The following RAP1GAP2 variants were observed in gnomAD, a reference collection of about 807,000 sequenced individuals.
RAP1GAP2 encodes the protein RAP1 GTPase activating protein 2, also known as rap1 GTPase-activating protein 2.
RAP1GAP2 carries 27 observed loss-of-function variants against 95.0 expected under a neutral mutation model. The ratio of observed to expected loss-of-function variants is 0.28; its 90% confidence interval spans 0.21 to 0.39. The LOEUF (loss-of-function observed/expected upper bound fraction) is 0.39. RAP1GAP2 is among the 10% of genes least tolerant of loss of function. RAP1GAP2 has a pLI of 1.00. For synonymous variants in RAP1GAP2, 373 were observed against 380.9 expected, an observed-to-expected ratio of 0.98 and a Z score of 0.24; for missense variants, 771 against 970.0, an observed-to-expected ratio of 0.79 and a Z score of 2.72.
chr17:2,969,294 C>T lies in RAP1GAP2; in HGVS notation c.596+3651C>T, dbSNP rs989110479. Reference sequence around the variant, plus strand: ...TACACAAATTGATTGCATAGTAGATCAGTGGTTTTCTGTGGACCTGCTACA... The same window carrying T: ...TACACAAATTGATTGCATAGTAGATTAGTGGTTTTCTGTGGACCTGCTACA... On this transcript the variant is annotated intron_variant, in intron 8 of 24. Coordinates refer to ENST00000254695, the MANE Select transcript of RAP1GAP2 (RefSeq NM_015085.5). Among the ~76,000 whole-genome samples, 3 of 151,556 alleles carry T rather than the reference C, an allele frequency of 2.0e-5. No homozygotes were observed. The East Asian group carries it at 5.8e-4, about 29-fold the overall frequency.
At chr17:3,020,138 G>T (rs2046906144) in intron 18 of RAP1GAP2, among the ~76,000 whole-genome samples, 1 of 152,078 alleles carries the variant, frequency 6.6e-6, no homozygotes, top group African/African-American at 2.4e-5. Flanking sequence ...GTCCCTCCAG[G>T]GCCTCCCTGG....
chr17:2,931,861 G>A (rs2043167167), intron 3 of RAP1GAP2, among the ~76,000 whole-genome samples: 1 of 152,156 alleles, frequency 6.6e-6, no homozygotes, highest in Admixed American at 6.5e-5. Flanking sequence ...GGCAGGTTAG[G>A]GGATGCTGGG....
At chr17:2,837,586 G>A (rs2071191034) in intron 2 of RAP1GAP2, among the ~76,000 whole-genome samples, 1 of 149,344 alleles carries the variant, frequency 6.7e-6, no homozygotes. Flanking sequence ...GACCATCTGT[G>A]TCAGGGTGTC....
intron 2 of RAP1GAP2, among the ~76,000 whole-genome samples, chr17:2,874,705 C>T (rs2073012348): frequency 2.0e-5 from 3 of 152,124 alleles, no homozygotes. Flanking sequence ...AAGGAGCAGC[C>T]ACCCAGCCAG....
In RAP1GAP2 at chr17:3,008,353, C is replaced by T. The variant is rs2046400489; in HGVS notation, c.1494+208C>T. Among the ~76,000 whole-genome samples, 1 of 152,182 alleles carries T rather than the reference C, an allele frequency of 6.6e-6. No individual in the cohort carries two copies. The highest frequency in any genetic ancestry group is 1.5e-5 in the Non-Finnish European group (1 of 68,034). ...AGCAGCCAGCAGTTTTCTCAGCAGC[C>T]TCCCCATCCTTCCTCTATCTGGGTC... On this transcript the variant is annotated intron_variant, in intron 17 of 24. Coordinates refer to ENST00000254695, the MANE Select transcript of RAP1GAP2 (RefSeq NM_015085.5). This position sits in a 1 kb window ranked among gnomAD's most constrained non-coding sequence, Gnocchi z 4.2.
chr17:2,941,189 G>A (rs1304459135), intron 3 of RAP1GAP2, among the ~76,000 whole-genome samples: 1 of 152,312 alleles, frequency 6.6e-6, no homozygotes, highest in East Asian at 1.9e-4. Flanking sequence ...ATCACTTGAG[G>A]TCAGGAGTCT....
At chr17:2,875,519 C>T (rs1249321330) in intron 2 of RAP1GAP2, among the ~76,000 whole-genome samples, 2 of 152,104 alleles carry the variant, frequency 1.3e-5, no homozygotes, top group Non-Finnish European at 2.9e-5. Context: ...TATGTGGCAT[C>T]AGTTAGTTTA....
intron 2 of RAP1GAP2, among the ~76,000 whole-genome samples, chr17:2,888,660 T>A (rs1034630002): frequency 6.7e-6 from 1 of 149,950 alleles, no homozygotes; most frequent in Non-Finnish European, 1.5e-5. Context: ...TTCTTTTTTT[T>A]TTTTTTTTTG....
intron 19 of RAP1GAP2, among the ~76,000 whole-genome samples, chr17:3,024,378 A>G (rs1270217302): frequency 6.6e-6 from 1 of 152,246 alleles, no homozygotes; most frequent in East Asian, 1.9e-4. Context: ...GCTTTAATCA[A>G]AAAGACAAAT....
At chr17:3,013,984 G>T (rs80205221) in intron 17 of RAP1GAP2, among the ~76,000 whole-genome samples, 3 of 27,274 alleles carry the variant, frequency 1.1e-4, no homozygotes, top group Non-Finnish European at 2.5e-4. Context: ...GAAAGAGACA[G>T]GGAGGAATAC....
At chr17:2,790,142 C>T (rs1435273004) in intron 1 of RAP1GAP2, among the ~76,000 whole-genome samples, 1 of 151,484 alleles carries the variant, frequency 6.6e-6, no homozygotes, top group Non-Finnish European at 1.5e-5. Context: ...GAGATGGAGT[C>T]TCCCTCTGTC....
intron 2 of RAP1GAP2, among the ~76,000 whole-genome samples, chr17:2,804,105 G>T (rs1325681908): frequency 6.6e-6 from 1 of 152,110 alleles, no homozygotes; most frequent in African/African-American, 2.4e-5. Flanking sequence ...GCTGGGTGAG[G>T]CATCTCTCCT....
At chr17:2,846,482 C>T (rs1382233737) in intron 2 of RAP1GAP2, among the ~76,000 whole-genome samples, 1 of 152,142 alleles carries the variant, frequency 6.6e-6, no homozygotes, top group African/African-American at 2.4e-5. Context: ...GCAATCTCGG[C>T]TCACTGCAAC....
chr17:2,915,730 G>A (rs906527386), intron 3 of RAP1GAP2, among the ~76,000 whole-genome samples: 14 of 142,166 alleles, frequency 9.8e-5, no homozygotes, highest in African/African-American at 3.4e-4. Context: ...ACAGAGTCTC[G>A]CTCTGTCACC....
At chr17:2,909,996 G>A (rs1422975294) in intron 3 of RAP1GAP2, among the ~76,000 whole-genome samples, 1 of 152,102 alleles carries the variant, frequency 6.6e-6, no homozygotes, top group Non-Finnish European at 1.5e-5. Flanking sequence ...TTTTCCCTTT[G>A]TGTGAAAGCT....
chr17:3,014,181 T>TCGGC (rs1567897244), intron 17 of RAP1GAP2, among the ~76,000 whole-genome samples: 5 of 25,836 alleles, frequency 1.9e-4, no homozygotes, highest in Admixed American at 8.5e-4. Context: ...AGGACACACG[T>TCGGC]TGGCTATAGG....
rs538554128 is a variant in RAP1GAP2 at position 2,985,190 on chromosome 17, C to T, written c.813+124C>T. 9 of 1,486,396 alleles carry T rather than the reference C, an allele frequency of 6.1e-6. No homozygotes were observed. In the African/African-American group the frequency reaches 1.3e-4, roughly 21 times the overall value. The allele number at this position is 1,486,396 out of a possible 1,614,324, so 92.1% of individuals were successfully genotyped here. ...TGAAGCATTTGGAATACAACGGTCA[C>T]ATTTAAGGTATGAATTAGACTGGAG... is the stretch of plus-strand genomic sequence containing the variant. On this transcript the variant is annotated intron_variant, in intron 11 of 24. Transcript: ENST00000254695.
chr17:2,796,443 C>A lies in RAP1GAP2; in HGVS notation c.-85C>A. 6.8e-7 allele frequency: 1 copy of A among 1,476,314 alleles called. No homozygotes were observed. The highest frequency in any genetic ancestry group is 1.2e-5 in the South Asian group (1 of 82,364). The allele number at this position is 1,476,314 out of a possible 1,614,324, so 91.5% of individuals were successfully genotyped here. On this transcript the variant is annotated 5_prime_UTR_variant, in exon 1 of 25. Transcript: ENST00000254695. The surrounding 1 kb of genome is among the most constrained non-coding windows in gnomAD (Gnocchi z 4.7). ...GCTCCCCGCCCTGCACCGGCACTGACCCCGCTGTACCACGGCCCTCTTGCG... is the reference window on the plus strand; with the variant it reads ...GCTCCCCGCCCTGCACCGGCACTGAACCCGCTGTACCACGGCCCTCTTGCG...
rs61423193 is a variant in RAP1GAP2 at position 3,029,867 on chromosome 17, T to C, written c.2108-1055T>C. ...AACCCAGTGTACAAATACTAGATAA[T>C]ATTCTTTACCATAAGTCCCATATGT... is the stretch of plus-strand genomic sequence containing the variant. On this transcript the variant is annotated intron_variant, in intron 22 of 24. Coordinates refer to ENST00000254695, the MANE Select transcript of RAP1GAP2 (RefSeq NM_015085.5). The surrounding 1 kb of genome is among the most constrained non-coding windows in gnomAD (Gnocchi z 4.4). 0.2 allele frequency among the ~76,000 whole-genome samples: 30,061 copies of C among 151,814 alleles called. 3,168 individuals are homozygous for C. The highest frequency in any genetic ancestry group is 0.25 in the African/African-American group (10,223 of 41,368).
Sources: gnomAD v4.1 joint callset for allele counts (sites outside exome capture counted in the v4.1 genomes callset) on GRCh38, gnomAD v4.1.1 for gene constraint, Gnocchi (gnomAD v3.1) non-coding constraint, MANE v1.5 for transcripts, NCBI Gene and HGNC (gene_info 2026-07-23, HGNC 2026-07-21) for gene names.